MDN1: variants seen among roughly 807,000 people sequenced by gnomAD.
MDN1 encodes midasin.
MDN1 carries 266 observed loss-of-function variants against 669.2 expected under a neutral mutation model. The observed-to-expected ratio is 0.40, with a 90% CI of 0.36 to 0.44. MDN1 has a LOEUF of 0.44. Among genes scored for constraint, MDN1 ranks in the 20% least tolerant of loss-of-function variants. MDN1 has a pLI of 1.00. For missense variants in MDN1, 5,940 were observed against 6,754.0 expected (o/e 0.88, Z 4.22); for synonymous variants, 2,385 against 2,457.1 (o/e 0.97, Z 0.87).
At chr6:89,783,615 A>G (rs964703802) in intron 9 of MDN1, among the ~76,000 whole-genome samples, 4 of 152,132 alleles carry the variant, frequency 2.6e-5, no homozygotes, top group Non-Finnish European at 5.9e-5. Context: ...CCTTTGAAGC[A>G]TGTGATCTTT....
intron 40 of MDN1, among the ~76,000 whole-genome samples, chr6:89,720,585 G>A (rs1455790379): frequency 6.6e-6 from 1 of 152,098 alleles, no homozygotes; most frequent in Non-Finnish European, 1.5e-5. Flanking sequence ...AATTGGAAGA[G>A]TGATGGAAAA....
At position 89,670,158 on chromosome 6, in the gene MDN1, ATATATATATATATTTT is replaced by A. The variant is rs1156618767; in HGVS notation, c.13956+745_13956+760del. On this transcript the variant is annotated intron_variant, in intron 83 of 101. Transcript: ENST00000369393. ...AAAAAACATATATATATATATATAT[ATATATATATATATTTT>A]TTTTTTTTTTTTTTTTGAGATGCAG... Among the ~76,000 whole-genome samples the A allele has an allele frequency of 1.5e-3, 36 of 24,330 alleles. 1 individual carries two copies. In the South Asian group the frequency reaches 0.018, roughly 12 times the overall value. The allele number at this position is 24,330 out of a possible 152,430, so 16.0% of individuals were successfully genotyped here.
chr6:89,654,961 C>A (rs544783557), intron 92 of MDN1, among the ~76,000 whole-genome samples: 118 of 152,290 alleles, frequency 7.7e-4, no homozygotes, highest in Non-Finnish European at 1.4e-3. Flanking sequence ...AGTTCTTAAA[C>A]CACCTGGCCT....
At position 89,712,601 on chromosome 6, in the gene MDN1, C is replaced by T. The variant is rs115674000; in HGVS notation, c.7404G>A (p.Met2468Ile). 162 of 1,614,146 alleles carry T rather than the reference C, an allele frequency of 1.0e-4. 2 individuals carry two copies. In the East Asian group the frequency reaches 1.7e-3, roughly 17 times the overall value. Residue 2468 changes from methionine to isoleucine, a missense_variant, in exon 48 of 102, where the codon ATG (methionine) becomes ATA (isoleucine). Coordinates refer to ENST00000369393, the MANE Select transcript of MDN1 (RefSeq NM_014611.3). Reference sequence around the variant, plus strand: ...TTGTCCAGCTGCTGGTTTTCATGCTCATCCTGTTGAGACAATATACTAAGA... The same window carrying T: ...TTGTCCAGCTGCTGGTTTTCATGCTTATCCTGTTGAGACAATATACTAAGA... Reference protein sequence around the residue: ...GQILVYCLNRMSMKTSSWTRS... With the variant: ...GQILVYCLNRISMKTSSWTRS...
chr6:89,755,897 TC>T (rs1284405844), intron 20 of MDN1, among the ~76,000 whole-genome samples: 6 of 152,306 alleles, frequency 3.9e-5, no homozygotes, highest in Admixed American at 3.9e-4. Context: ...TTAACCCTTT[TC>T]TCCTTACATC....
At chr6:89,698,838 A>T in intron 59 of MDN1, 27 bp downstream of exon 59, 1 of 1,610,928 alleles carries the variant, frequency 6.2e-7, no homozygotes, top group South Asian at 1.1e-5. Flanking sequence ...ACTATCAAAC[A>T]TTTTTTATAA....
chr6:89,738,680 C>T (rs142220234), intron 32 of MDN1, among the ~76,000 whole-genome samples: 5 of 152,230 alleles, frequency 3.3e-5, no homozygotes, highest in African/African-American at 9.6e-5. Flanking sequence ...AGACGTGGTC[C>T]AGAGGCCTTA....
Position 89,674,582 on chromosome 6 carries a change from G to A in MDN1, c.12769C>T (p.Leu4257Phe). The A allele has an allele frequency of 1.9e-6, 3 of 1,562,392 alleles. No individual in the cohort carries two copies. The highest frequency in any genetic ancestry group is 2.6e-6 in the Non-Finnish European group (3 of 1,160,696). ...SEQWIILRNL[L>F]SCVQEIHSRL... Reference sequence around the variant, plus strand: ...CTGTGAATCTCTTGCACACAGCTGAGGAGGTTCCTGTACAGAGAAACCCAT... The same window carrying A: ...CTGTGAATCTCTTGCACACAGCTGAAGAGGTTCCTGTACAGAGAAACCCAT... Residue 4257 changes from leucine (L) to phenylalanine (F), a missense_variant, in exon 79 of 102, where the codon CTC becomes TTC. By Grantham distance (22) the Leu-to-Phe change is conservative. Transcript: ENST00000369393.
rs749987769 is a variant in MDN1, at chr6:89,689,987, G to C, written c.10906C>G (p.Arg3636Gly). ...IHQQLCLNFA[R>G]SLWYQQTLPP... ...AGAGTCTGTTGATACCAGAGGGATC[G>C]AGCAAAGTTGAGACACAATTGCTGG... is the stretch of plus-strand genomic sequence containing the variant. Residue 3636 changes from arginine to glycine, a missense_variant, in exon 65 of 102, where the codon CGA (arginine) becomes GGA (glycine). Coordinates refer to ENST00000369393, the MANE Select transcript of MDN1 (RefSeq NM_014611.3). 5 of 1,614,062 alleles carry C rather than the reference G, an allele frequency of 3.1e-6. No individual in the cohort carries two copies. Among genetic ancestry groups the C allele is most frequent in the African/African-American group, 2.7e-5 (2 of 74,926 alleles).
intron 59 of MDN1, among the ~76,000 whole-genome samples, chr6:89,697,961 AAT>A: frequency 6.6e-6 from 1 of 152,176 alleles, no homozygotes; most frequent in East Asian, 1.9e-4. Context: ...TAAACGTGAA[AAT>A]ATGTTCAATC....
At chr6:89,759,533 G>T (rs1404096346) in intron 17 of MDN1, among the ~76,000 whole-genome samples, 1 of 152,212 alleles carries the variant, frequency 6.6e-6, no homozygotes, top group Non-Finnish European at 1.5e-5. Flanking sequence ...GGAGGCTGAG[G>T]TGGGCGGATC....
At position 89,645,144 on chromosome 6, in the gene MDN1, G is replaced by C. The variant is rs367799086; in HGVS notation, c.16473C>G (p.Leu5491=). Reference sequence around the variant, plus strand: ...CTCGCCCATCAGAGACTACCAGGAGGAGTTGTGCAGTTTCTGTAGACCATA... The same window carrying C: ...CTCGCCCATCAGAGACTACCAGGAGCAGTTGTGCAGTTTCTGTAGACCATA... ...SQNISSETAQ[L]LLVVSDGRGL... is the part of the protein sequence containing the mutation. Residue 5491 remains leucine, a synonymous_variant, in exon 101 of 102, where the codon CTC becomes CTG. Coordinates refer to ENST00000369393, the MANE Select transcript of MDN1 (RefSeq NM_014611.3). The C allele has an allele frequency of 1.9e-6, 3 of 1,605,210 alleles. No homozygotes were observed. The African/African-American group carries it at 4.0e-5, about 21-fold the overall frequency.
At position 89,751,579 on chromosome 6, in the gene MDN1, T is replaced by G. The variant is rs780518947; in HGVS notation, c.3079A>C (p.Ile1027Leu). ...GNVKSLLKQP[I>L]PEPKGGRLIQ... ...AGCCGACCTCCTTTTGGCTCTGGAA[T>G]AGGCTGAAAGACACAGAAGTTCAAG... The change falls in exon 23 of 102, where the codon ATT becomes CTT. Residue 1027 changes from isoleucine (I) to leucine (L), a missense_variant. Coordinates refer to ENST00000369393, the MANE Select transcript of MDN1 (RefSeq NM_014611.3). 1.2e-6 allele frequency: 2 copies of G among 1,613,768 alleles called. No homozygotes were observed. Among genetic ancestry groups the G allele is most frequent in the Admixed American group, 1.7e-5 (1 of 59,954 alleles).
intron 1 of MDN1, among the ~76,000 whole-genome samples, chr6:89,808,807 A>C (rs186540924): frequency 6.6e-6 from 1 of 152,278 alleles, no homozygotes; most frequent in Admixed American, 6.5e-5. Flanking sequence ...TTCCAATCCT[A>C]TGCTACCTAC....
In MDN1 at chr6:89,692,937, C is replaced by A; in HGVS notation, c.10093G>T (p.Ala3365Ser). Residue 3365 changes from alanine (A) to serine (S), a missense_variant, in exon 63 of 102, where the codon GCC (alanine) becomes TCC (serine). By Grantham distance (99) the Ala-to-Ser change is moderately conservative (BLOSUM62 1). Coordinates refer to ENST00000369393, the MANE Select transcript of MDN1 (RefSeq NM_014611.3). The stretch of plus-strand genomic sequence containing the variant: ...GCCTCCTCCTTTAGAAGGCTCTGGG[C>A]TACTTGGGCAGACCGTGGCCCATCT... ...HIDGPRSAQV[A>S]QSLLKEEASW... is the part of the protein sequence containing the mutation. 6.2e-7 allele frequency: 1 copy of A among 1,614,092 alleles called. No individual in the cohort carries two copies. Among genetic ancestry groups the A allele is most frequent in the South Asian group, 1.1e-5 (1 of 91,068 alleles).
intron 71 of MDN1, among the ~76,000 whole-genome samples, chr6:89,684,282 G>A (rs1253582340): frequency 2.0e-5 from 3 of 151,986 alleles, no homozygotes; most frequent in African/African-American, 4.8e-5. Flanking sequence ...GGCAAAGGCT[G>A]CAGTGAGCTG....
Position 89,685,891 on chromosome 6 carries a change from C to T in MDN1, c.11655G>A (p.Val3885=), listed in dbSNP as rs1811969652. The T allele has an allele frequency of 1.2e-6, 2 of 1,613,996 alleles. No homozygotes were observed. Among genetic ancestry groups the T allele is most frequent in the African/African-American group, 2.7e-5 (2 of 74,920 alleles). Residue 3885 remains valine (V), a synonymous_variant, in exon 70 of 102, where the codon GTG becomes GTA. Transcript: ENST00000369393. Reference sequence around the variant, plus strand: ...GGAAAACCAGTAACATCTGAAGTCGCACATGGAACTCTCCCAGCGAGGATC... The same window carrying T: ...GGAAAACCAGTAACATCTGAAGTCGTACATGGAACTCTCCCAGCGAGGATC... ...IEGSSLGEFH[V]RLQMLLVFHC...
chr6:89,701,644 T>C lies in MDN1; in HGVS notation c.8341A>G (p.Ile2781Val). Residue 2781 changes from isoleucine (I) to valine (V), a missense_variant, in exon 55 of 102, where the codon ATT becomes GTT. By Grantham distance (29) the Ile-to-Val change is conservative. Transcript: ENST00000369393. ...YKEVQTVSEH[I>V]QNCLGSQTGG... The stretch of plus-strand genomic sequence containing the variant: ...GTCTGGCTCCCCAGACAATTCTGAA[T>C]ATGTTCTGAGACAGTCTGAACTTCT... The C allele has an allele frequency of 6.2e-7, 1 of 1,614,102 alleles. No homozygotes were observed. The highest frequency in any genetic ancestry group is 8.5e-7 in the Non-Finnish European group (1 of 1,179,980).
chr6:89,794,520 C>T, intron 3 of MDN1, 57 bp downstream of exon 3: 2 of 1,507,482 alleles, frequency 1.3e-6, no homozygotes, highest in Non-Finnish European at 1.8e-6. Context: ...CACAACTCCA[C>T]ACATGCCCTG....
Sources: allele counts gnomAD v4.1 joint callset (sites outside exome capture counted in the v4.1 genomes callset), GRCh38; gene constraint gnomAD v4.1.1; transcripts MANE v1.5; gene names NCBI Gene and HGNC (gene_info 2026-07-23, HGNC 2026-07-21).